Variants in SHISA9 observed in about 807,000 individuals in gnomAD.
The protein encoded by SHISA9 is shisa family member 9.
Under a neutral mutation model 38.0 loss-of-function variants are expected in SHISA9, and 13 were observed. The ratio of observed to expected loss-of-function variants is 0.34; its 90% CI spans 0.22 to 0.54. The LOEUF is 0.54. Among genes scored for constraint, SHISA9 ranks in the 20% least tolerant of loss-of-function variants. The pLI, the probability that SHISA9 is intolerant of heterozygous loss-of-function variation, is 0.91. For missense variants in SHISA9, 538 were observed against 575.8 expected, an observed-to-expected ratio of 0.93 and a Z score of 0.67; for synonymous variants, 275 against 242.0, an observed-to-expected ratio of 1.14 and a Z score of -1.27.
chr16:13,431,118 G>A, the SHISA9 span, among the ~76,000 whole-genome samples: 1 of 152,074 alleles, frequency 6.6e-6, no homozygotes, highest in East Asian at 1.9e-4. Context: ...CCTAACTGAG[G>A]AAGCCTGCCC....
At chr16:12,919,978 C>A (rs1402215917) in intron 2 of SHISA9, among the ~76,000 whole-genome samples, 2 of 152,210 alleles carry the variant, frequency 1.3e-5, no homozygotes, top group Admixed American at 1.3e-4. Flanking sequence ...ACCCTACCTC[C>A]TGCACCCCGA....
the SHISA9 span, among the ~76,000 whole-genome samples, chr16:13,372,712 G>C: frequency 6.6e-6 from 1 of 152,170 alleles, no homozygotes; most frequent in Admixed American, 6.5e-5. Flanking sequence ...GATGTGCAAA[G>C]CTCTATATGA....
At chr16:13,452,331 C>T in the SHISA9 span, among the ~76,000 whole-genome samples, 1 of 152,190 alleles carries the variant, frequency 6.6e-6, no homozygotes, top group East Asian at 1.9e-4. Flanking sequence ...GGTGAAAATG[C>T]AAGAAAGAGC....
intron 2 of SHISA9, among the ~76,000 whole-genome samples, chr16:13,104,849 C>T (rs1412069900): frequency 6.6e-6 from 1 of 152,142 alleles, no homozygotes; most frequent in Non-Finnish European, 1.5e-5. Flanking sequence ...ATGCAAATTA[C>T]ATATCAATAA....
chr16:13,332,798 G>A, the SHISA9 span, among the ~76,000 whole-genome samples: 2,877 of 152,206 alleles, frequency 0.019, 78 homozygotes, highest in African/African-American at 0.065. Context: ...ATAATCAGGC[G>A]TTTGCCTTTG....
chr16:13,112,810 C>G (rs977129209), intron 2 of SHISA9, among the ~76,000 whole-genome samples: 5 of 152,116 alleles, frequency 3.3e-5, no homozygotes, highest in African/African-American at 1.2e-4. Context: ...TTTGTGATGG[C>G]CAAAGAATGT....
the SHISA9 span, among the ~76,000 whole-genome samples, chr16:13,385,292 G>A: frequency 6.6e-6 from 1 of 152,184 alleles, no homozygotes; most frequent in Non-Finnish European, 1.5e-5. Flanking sequence ...GTATTCTTGG[G>A]CATATCTGCC....
intron 1 of SHISA9, among the ~76,000 whole-genome samples, chr16:12,907,689 A>G (rs1311068005): frequency 6.6e-6 from 1 of 152,180 alleles, no homozygotes; most frequent in East Asian, 1.9e-4. Context: ...TTTAGTCTCT[A>G]TTATGCGTGG....
the SHISA9 span, among the ~76,000 whole-genome samples, chr16:13,395,999 G>A: frequency 1.3e-5 from 2 of 152,038 alleles, no homozygotes; most frequent in East Asian, 3.9e-4. Context: ...TTTGAAACAC[G>A]GCCCTGAAAT....
intron 2 of SHISA9, among the ~76,000 whole-genome samples, chr16:13,036,802 C>A (rs1038209331): frequency 2.0e-5 from 3 of 151,502 alleles, no homozygotes; most frequent in Non-Finnish European, 2.9e-5. Flanking sequence ...GACAGCACCC[C>A]CAGTACTAAA....
chr16:13,170,857 A>C (rs925667568), intron 2 of SHISA9, among the ~76,000 whole-genome samples: 2 of 152,140 alleles, frequency 1.3e-5, no homozygotes. Flanking sequence ...GGGTTTCACC[A>C]TGTTGGGCAG....
At chr16:13,439,139 C>T in the SHISA9 span, among the ~76,000 whole-genome samples, 1 of 152,118 alleles carries the variant, frequency 6.6e-6, no homozygotes, top group African/African-American at 2.4e-5. Context: ...GCAGAGAGCT[C>T]ACATAAGAGC....
At chr16:13,102,627 T>G (rs1173362752) in intron 2 of SHISA9, among the ~76,000 whole-genome samples, 1 of 152,154 alleles carries the variant, frequency 6.6e-6, no homozygotes. Flanking sequence ...ATCCATGATG[T>G]CATAATTGAT....
intron 2 of SHISA9, among the ~76,000 whole-genome samples, chr16:13,061,152 C>T (rs1323830963): frequency 3.3e-5 from 5 of 152,142 alleles, no homozygotes; most frequent in Non-Finnish European, 5.9e-5. Flanking sequence ...CACAGGAATG[C>T]TTTTTCAGGC....
the SHISA9 span, among the ~76,000 whole-genome samples, chr16:13,426,650 C>G: frequency 6.6e-6 from 1 of 152,104 alleles, no homozygotes; most frequent in Non-Finnish European, 1.5e-5. Context: ...TCAGACAGAA[C>G]AATACATTAA....
intron 2 of SHISA9, among the ~76,000 whole-genome samples, chr16:12,918,769 A>G (rs1345438142): frequency 1.3e-5 from 2 of 152,242 alleles, no homozygotes; most frequent in Non-Finnish European, 1.5e-5. Context: ...CTGGGAAGCT[A>G]CAGGGGAGAA....
At chr16:12,930,732 A>G (rs2071451333) in intron 2 of SHISA9, among the ~76,000 whole-genome samples, 1 of 152,202 alleles carries the variant, frequency 6.6e-6, no homozygotes, top group African/African-American at 2.4e-5. Context: ...GGGTCACAAT[A>G]TTGATTTTAG....
At chr16:13,249,471 CA>C in the SHISA9 span, among the ~76,000 whole-genome samples, 3 of 152,138 alleles carry the variant, frequency 2.0e-5, no homozygotes, top group African/African-American at 7.2e-5. Flanking sequence ...ACTTATTTGA[CA>C]AAGATATGCT....
intron 2 of SHISA9, among the ~76,000 whole-genome samples, chr16:12,966,223 C>G (rs1442809781): frequency 6.6e-6 from 1 of 152,174 alleles, no homozygotes; most frequent in Non-Finnish European, 1.5e-5. Context: ...CTTCACTTTC[C>G]TACATCTATG....
Sources: gnomAD v4.1 joint callset for allele counts (sites outside exome capture counted in the v4.1 genomes callset) on GRCh38, gnomAD v4.1.1 for gene constraint, MANE v1.5 for transcripts, NCBI Gene and HGNC (gene_info 2026-07-23, HGNC 2026-07-21) for gene names.